Variants in KIF21A observed in about 807,000 individuals in gnomAD.
KIF21A encodes the protein kinesin family member 21A.
In KIF21A, 114 loss-of-function variants were observed where a neutral mutation model predicts 202.9. That is an observed-to-expected ratio of 0.56 (90% confidence interval 0.48 to 0.66). The LOEUF (loss-of-function observed/expected upper bound fraction) is 0.66, where lower values mean the gene tolerates loss of function less well. Among genes scored for constraint, KIF21A ranks in the 30% least tolerant of loss-of-function variants. KIF21A has a pLI of 0.00. For synonymous variants in KIF21A, 667 were observed against 670.8 expected (o/e 0.99, Z 0.09); for missense variants, 1,677 against 1,994.9 (o/e 0.84, Z 3.04).
chr12:39,422,814 C>T (rs761166211), intron 1 of KIF21A, among the ~76,000 whole-genome samples: 13 of 152,150 alleles, frequency 8.5e-5, no homozygotes, highest in Non-Finnish European at 1.5e-4. Flanking sequence ...TAATTTGGCC[C>T]CATCATCTAT....
intron 15 of KIF21A, among the ~76,000 whole-genome samples, chr12:39,340,590 A>C (rs1947359639): frequency 6.6e-6 from 1 of 152,134 alleles, no homozygotes; most frequent in East Asian, 1.9e-4. Context: ...CCCCAACATA[A>C]ATCAAAACAT....
intron 1 of KIF21A, among the ~76,000 whole-genome samples, chr12:39,406,877 A>G (rs1424274808): frequency 6.6e-6 from 1 of 152,216 alleles, no homozygotes; most frequent in Non-Finnish European, 1.5e-5. Context: ...TGCTTCTTCT[A>G]TAATACCTCC....
At chr12:39,354,268 T>C (rs577544798) in intron 10 of KIF21A, among the ~76,000 whole-genome samples, 29 of 152,286 alleles carry the variant, frequency 1.9e-4, no homozygotes, top group South Asian at 8.3e-4. Context: ...GCAAAAATCA[T>C]TGTAGAAACT....
intron 24 of KIF21A, 29 bp from the exon 25 acceptor site, chr12:39,326,353 T>C (rs976273401): frequency 6.7e-7 from 1 of 1,503,244 alleles, no homozygotes; most frequent in Admixed American, 1.7e-5. Flanking sequence ...AATGTAAGCA[T>C]TATCCCCATG....
At position 39,311,470 on chromosome 12, in the gene KIF21A, T is replaced by C. The variant is rs930559700; in HGVS notation, c.4043A>G (p.Lys1348Arg). Residue 1348 changes from lysine to arginine, a missense_variant, in exon 32 of 38, where the codon AAA (lysine) becomes AGA (arginine). By Grantham distance (26) the Lys-to-Arg change is conservative (BLOSUM62 2). Around this residue, in one of 3 missense-constraint regions of KIF21A, gnomAD observed 705 missense variants for 791.9 expected, o/e 0.89. Transcript: ENST00000361418. Reference sequence around the variant, plus strand: ...AGTAGAATCCACACAGAGCACAGCTTTTGTATGCCCTTCAGCTATGTGAAT... The same window carrying C: ...AGTAGAATCCACACAGAGCACAGCTCTTGTATGCCCTTCAGCTATGTGAAT... ...QCIHIAEGHTKAVLCVDSTDD... is the reference protein window; with the variant it reads ...QCIHIAEGHTRAVLCVDSTDD... The C allele has an allele frequency of 1.9e-6, 3 of 1,613,028 alleles. No homozygotes were observed. In the African/African-American group the frequency reaches 4.0e-5, roughly 22 times the overall value.
chr12:39,330,164 G>T, intron 24 of KIF21A, 78 bp downstream of exon 24: 1 of 1,346,046 alleles, frequency 7.4e-7, no homozygotes, highest in Non-Finnish European at 1.1e-6. Context: ...TTTAAAATAA[G>T]ATGTACCACA....
intron 1 of KIF21A, among the ~76,000 whole-genome samples, chr12:39,412,692 TGG>T (rs1008541165): frequency 3.3e-5 from 5 of 152,106 alleles, no homozygotes; most frequent in African/African-American, 1.2e-4. Flanking sequence ...CACTCCAGCC[TGG>T]GTGACAGAGC....
At chr12:39,411,890 A>G (rs1041052169) in intron 1 of KIF21A, among the ~76,000 whole-genome samples, 4 of 151,906 alleles carry the variant, frequency 2.6e-5, no homozygotes, top group Non-Finnish European at 5.9e-5. Flanking sequence ...GCTGGAGTGC[A>G]TTGCCACAAT....
chr12:39,304,055 C>G (rs76856320), intron 35 of KIF21A, among the ~76,000 whole-genome samples: 16,842 of 152,242 alleles, frequency 0.11, 931 homozygotes, highest in East Asian at 0.14. Context: ...TTTCTCCTCA[C>G]TCATTCCCTC....
At chr12:39,410,259 G>A (rs1233877809) in intron 1 of KIF21A, among the ~76,000 whole-genome samples, 3 of 152,186 alleles carry the variant, frequency 2.0e-5, no homozygotes, top group Non-Finnish European at 4.4e-5. Flanking sequence ...TTTTGGTCCA[G>A]TAAAACCAAT....
At chr12:39,437,954 A>AT (rs1297239328) in intron 1 of KIF21A, among the ~76,000 whole-genome samples, 2 of 152,186 alleles carry the variant, frequency 1.3e-5, no homozygotes, top group Non-Finnish European at 2.9e-5. Flanking sequence ...GTATATCTAG[A>AT]GTTTCAACTT....
Position 39,388,114 on chromosome 12 carries a change from G to A in KIF21A, c.45-17853C>T, listed in dbSNP as rs139341226. Among the ~76,000 whole-genome samples, 28 of 152,268 alleles carry A rather than the reference G, an allele frequency of 1.8e-4. No individual in the cohort carries two copies. In the East Asian group the frequency reaches 5.2e-3, roughly 28 times the overall value. ...TGAAGTTTGATCCCCAGTGTTGGAG[G>A]TGAGGCTTAATAGGAGGTGTTTGGG... On this transcript the variant is annotated intron_variant, in intron 1 of 37. Transcript: ENST00000361418.
intron 37 of KIF21A, among the ~76,000 whole-genome samples, chr12:39,295,936 G>C (rs886467757): frequency 1.4e-5 from 2 of 147,394 alleles, no homozygotes; most frequent in Non-Finnish European, 3.0e-5. Context: ...TTGACCTCGT[G>C]ATCTGCCTGC....
At chr12:39,414,532 T>C (rs1023924800) in intron 1 of KIF21A, among the ~76,000 whole-genome samples, 7 of 152,130 alleles carry the variant, frequency 4.6e-5, no homozygotes, top group Non-Finnish European at 1.5e-5. Flanking sequence ...AAAGATCAAA[T>C]AGATACACTA....
chr12:39,360,535 G>T (rs1165302727), intron 7 of KIF21A, among the ~76,000 whole-genome samples: 1 of 151,888 alleles, frequency 6.6e-6, no homozygotes, highest in Non-Finnish European at 1.5e-5. Flanking sequence ...GACTACAGGT[G>T]CCCACCACCA....
chr12:39,311,111 T>C (rs1007707163), intron 32 of KIF21A, among the ~76,000 whole-genome samples: 1 of 152,028 alleles, frequency 6.6e-6, no homozygotes, highest in African/African-American at 2.4e-5. Context: ...ATATTGTATA[T>C]TTAAATAGCC....
At chr12:39,305,638 T>A (rs1289220396) in intron 34 of KIF21A, among the ~76,000 whole-genome samples, 6 of 152,168 alleles carry the variant, frequency 3.9e-5, no homozygotes, top group Non-Finnish European at 5.9e-5. Context: ...AAATAAGTTA[T>A]TCCAAAGCTG....
chr12:39,332,187 C>A, intron 21 of KIF21A, 27 bp downstream of exon 21: 3 of 1,598,006 alleles, frequency 1.9e-6, no homozygotes, highest in African/African-American at 1.3e-5. Context: ...TTCATTAAAC[C>A]ATTACGCTTT....
At chr12:39,330,374 G>A in intron 23 of KIF21A, 112 bp from the exon 24 acceptor site, 1 of 928,768 alleles carries the variant, frequency 1.1e-6, no homozygotes, top group Non-Finnish European at 1.8e-6. Flanking sequence ...ATGTAGAATA[G>A]ATGCCATAGC....
Sources: allele counts gnomAD v4.1 joint callset (sites outside exome capture counted in the v4.1 genomes callset), GRCh38; gene constraint gnomAD v4.1.1; regional missense constraint gnomAD v4.1.1; transcripts MANE v1.5; gene names NCBI Gene and HGNC (gene_info 2026-07-23, HGNC 2026-07-21).